GPHN: variants seen among roughly 807,000 people sequenced by gnomAD.
GPHN encodes the protein gephyrin.
A neutral mutation model predicts 95.5 loss-of-function variants in GPHN; 17 were observed. The ratio of observed to expected loss-of-function variants is 0.18; its 90% confidence interval spans 0.12 to 0.27. GPHN has a LOEUF of 0.27. Ranked by LOEUF, GPHN falls within the 10% of genes least tolerant of loss-of-function variation. GPHN has a pLI of 1.00. For synonymous variants in GPHN, 320 were observed against 322.5 expected (o/e 0.99, Z 0.08); for missense variants, 660 against 978.1 (o/e 0.67, Z 4.34).
At chr14:67,562,568 C>G in the GPHN span, 1 of 1,612,232 alleles carries the variant, frequency 6.2e-7, no homozygotes, top group South Asian at 1.1e-5. Flanking sequence ...TCTGACCCTA[C>G]CAAAGGTGCG....
the GPHN span, chr14:67,578,273 G>A: frequency 7.3e-7 from 1 of 1,372,716 alleles, no homozygotes; most frequent in African/African-American, 1.4e-5. The surrounding 1 kb of genome is among the most constrained non-coding windows in gnomAD (Gnocchi z 5.0). Context: ...GTGGGAGGAG[G>A]TGACTGGGCA....
chr14:67,501,901 T>G, the GPHN span, among the ~76,000 whole-genome samples: 1 of 152,268 alleles, frequency 6.6e-6, no homozygotes, highest in African/African-American at 2.4e-5. Flanking sequence ...CTGTGCAATG[T>G]GAGCCTCTGT....
the GPHN span, among the ~76,000 whole-genome samples, chr14:67,428,464 T>C: frequency 6.6e-6 from 1 of 152,234 alleles, no homozygotes. Context: ...CACTACACAG[T>C]AGGGGAGAAC....
the GPHN span, among the ~76,000 whole-genome samples, chr14:67,263,818 T>A: frequency 6.7e-6 from 1 of 149,862 alleles, no homozygotes; most frequent in Non-Finnish European, 1.5e-5. Context: ...TACTGTGACC[T>A]CCTCCATCAC....
chr14:67,204,579 G>A, the GPHN span: 33 of 1,613,394 alleles, frequency 2.0e-5, no homozygotes, highest in South Asian at 9.9e-5. Context: ...TGCATGATGC[G>A]GAGAACATGA....
intron 8 of GPHN, among the ~76,000 whole-genome samples, chr14:66,949,065 TAATC>T (rs1300491845): frequency 1.3e-5 from 2 of 152,204 alleles, no homozygotes. Context: ...GTATTATATG[TAATC>T]AATCTTTTTT....
the GPHN span, among the ~76,000 whole-genome samples, chr14:67,713,815 G>T: frequency 6.6e-6 from 1 of 152,186 alleles, no homozygotes. Flanking sequence ...TATGTAAAAT[G>T]AACATCGGTT....
In GPHN at chr14:66,565,458, C is replaced by T. The variant is rs117462790; in HGVS notation, c.64+56867C>T. On this transcript the variant is annotated intron_variant, in intron 1 of 22. Transcript: ENST00000478722. ...GGACTACAGACATGCACCACCACAC[C>T]CAGCTAATTTTATAATTTTTTGGAA... is the stretch of plus-strand genomic sequence containing the variant. Among the ~76,000 whole-genome samples, 449 of 152,102 alleles carry T rather than the reference C, an allele frequency of 3.0e-3. 9 individuals are homozygous for T. The highest frequency in any genetic ancestry group is 0.013 in the East Asian group (69 of 5,170).
intron 1 of GPHN, among the ~76,000 whole-genome samples, chr14:66,677,398 T>C (rs1349119960): frequency 1.3e-5 from 2 of 152,134 alleles, no homozygotes; most frequent in Non-Finnish European, 2.9e-5. Context: ...TTTATTGCTG[T>C]AAACTTCCCT....
the GPHN span, among the ~76,000 whole-genome samples, chr14:67,697,592 A>AGAGGTAGG: frequency 6.6e-6 from 1 of 152,204 alleles, no homozygotes; most frequent in Non-Finnish European, 1.5e-5. Context: ...AGGTACTATA[A>AGAGGTAGG]TTTTCCCTAT....
the GPHN span, among the ~76,000 whole-genome samples, chr14:67,368,175 G>A: frequency 2.0e-5 from 3 of 152,178 alleles, no homozygotes; most frequent in African/African-American, 7.2e-5. Context: ...GCTTTTGTTG[G>A]AGTTTCTGCA....
chr14:67,647,026 G>GT, the GPHN span: 2 of 1,596,764 alleles, frequency 1.3e-6, no homozygotes, highest in African/African-American at 2.7e-5. Flanking sequence ...TGATTGGCAA[G>GT]TAAGTAACTA....
chr14:66,831,440 T>C (rs2061574759), intron 4 of GPHN, among the ~76,000 whole-genome samples: 1 of 152,162 alleles, frequency 6.6e-6, no homozygotes, highest in African/African-American at 2.4e-5. Context: ...TTTAATAAAA[T>C]GTTCCATCCC....
chr14:66,973,651 C>T (rs969022314), intron 9 of GPHN, among the ~76,000 whole-genome samples: 2 of 151,958 alleles, frequency 1.3e-5, no homozygotes, highest in Admixed American at 6.6e-5. Context: ...CCCAGCTACT[C>T]GGGAGGCTGA....
chr14:67,232,536 T>A, the GPHN span, among the ~76,000 whole-genome samples: 1 of 152,224 alleles, frequency 6.6e-6, no homozygotes, highest in Non-Finnish European at 1.5e-5. Context: ...CATTTGCATG[T>A]AATTTTGTAT....
chr14:66,556,317 T>C (rs2060005544), intron 1 of GPHN, among the ~76,000 whole-genome samples: 1 of 152,194 alleles, frequency 6.6e-6, no homozygotes, highest in Non-Finnish European at 1.5e-5. Context: ...ATGTAGTTGA[T>C]GGTCAGTACA....
At chr14:66,711,559 A>G (rs1424181986) in intron 2 of GPHN, among the ~76,000 whole-genome samples, 3 of 146,562 alleles carry the variant, frequency 2.0e-5, no homozygotes, top group African/African-American at 5.0e-5. Context: ...GATACCCAGT[A>G]GTGGGTTTGC....
intron 1 of GPHN, among the ~76,000 whole-genome samples, chr14:66,678,772 G>A (rs1213734173): frequency 1.3e-5 from 2 of 152,092 alleles, no homozygotes; most frequent in Non-Finnish European, 2.9e-5. Flanking sequence ...CATTTGGGTA[G>A]AGTGTTTTGG....
chr14:67,574,445 C>T, the GPHN span: 37 of 1,423,194 alleles, frequency 2.6e-5, no homozygotes, highest in Admixed American at 6.1e-4. The surrounding 1 kb of genome is among the most constrained non-coding windows in gnomAD (Gnocchi z 4.2). Flanking sequence ...GTGCCTCCTG[C>T]GAATCAGGGG....
Sources: allele counts gnomAD v4.1 joint callset (sites outside exome capture counted in the v4.1 genomes callset), GRCh38; gene constraint gnomAD v4.1.1; non-coding constraint Gnocchi (gnomAD v3.1); transcripts MANE v1.5; gene names NCBI Gene and HGNC (gene_info 2026-07-23, HGNC 2026-07-21).